Variants in DLC1 observed in about 807,000 individuals in gnomAD.
DLC1 encodes rho GTPase-activating protein 7.
DLC1 carries 54 observed loss-of-function variants against 140.3 expected under a neutral mutation model. The observed-to-expected ratio is 0.38, with a 90% confidence interval of 0.31 to 0.48. The LOEUF is 0.48. Ranked by LOEUF, DLC1 falls within the 20% of genes least tolerant of loss-of-function variation. The pLI, the probability that DLC1 is intolerant of heterozygous loss-of-function variation, is 0.96. For synonymous variants in DLC1, 986 were observed against 728.1 expected, an observed-to-expected ratio of 1.35 and a Z score of -5.70; for missense variants, 2,536 against 1,907.0, an observed-to-expected ratio of 1.33 and a Z score of -6.14.
intron 5 of DLC1, among the ~76,000 whole-genome samples, chr8:13,227,118 G>A (rs1311341569): frequency 1.3e-5 from 2 of 152,126 alleles, no homozygotes; most frequent in Admixed American, 1.3e-4. Context: ...GAGCATCTGA[G>A]TTCAAGCAAT....
At chr8:13,373,977 T>C (rs992611336) in intron 4 of DLC1, among the ~76,000 whole-genome samples, 1 of 152,224 alleles carries the variant, frequency 6.6e-6, no homozygotes, top group African/African-American at 2.4e-5. Context: ...TGCAAAGATG[T>C]CATCTAAGTT....
intron 2 of DLC1, among the ~76,000 whole-genome samples, chr8:13,466,513 A>G (rs1799946863): frequency 6.6e-6 from 1 of 152,182 alleles, no homozygotes; most frequent in Admixed American, 6.5e-5. Context: ...ATCTGCCAGT[A>G]TCAACATTTC....
At position 13,100,708 on chromosome 8, in the gene DLC1, G is replaced by A; in HGVS notation, c.1629C>T (p.Asp543=). The change falls in exon 9 of 18, where the codon GAC becomes GAT. Residue 543 remains aspartate, a synonymous_variant. Transcript: ENST00000276297. ...CTTCAAGCCGGGACCACCTCTTGCT[G>A]TCCCTTTGGAAAGTCCATTTGCCAC... ...AISGKWTFQR[D]SKRWSRLEEF... The A allele has an allele frequency of 2.5e-6, 4 of 1,609,896 alleles. No individual in the cohort carries two copies. The highest frequency in any genetic ancestry group is 3.4e-6 in the Non-Finnish European group (4 of 1,178,200).
rs554493035 is a variant in DLC1, at chr8:13,383,793, C to T, written c.1314+9760G>A. Among the ~76,000 whole-genome samples the T allele has an allele frequency of 5.3e-5, 8 of 152,242 alleles. No individual in the cohort carries two copies. The East Asian group carries it at 1.2e-3, about 22-fold the overall frequency. On this transcript the variant is annotated intron_variant, in intron 4 of 17. Coordinates refer to ENST00000276297, the MANE Select transcript of DLC1 (RefSeq NM_182643.3). ...AATGACATAGAGAAGAGCCAATGTT[C>T]GAACACCAATATTTCAGCCACACGA...
chr8:13,370,685 TTTG>T (rs1446772253), intron 4 of DLC1, among the ~76,000 whole-genome samples: 1 of 152,160 alleles, frequency 6.6e-6, no homozygotes, highest in Non-Finnish European at 1.5e-5. Context: ...CATGCTCCTT[TTTG>T]TTCTGTCACT....
intron 4 of DLC1, among the ~76,000 whole-genome samples, chr8:13,367,503 GT>G (rs1314991494): frequency 6.6e-6 from 1 of 152,164 alleles, no homozygotes; most frequent in African/African-American, 2.4e-5. Flanking sequence ...CCCATGAATT[GT>G]TTTTTTGTAC....
chr8:13,467,453 C>CTTTTTTTTTTTTT (rs10671511), intron 2 of DLC1, among the ~76,000 whole-genome samples: 1 of 149,532 alleles, frequency 6.7e-6, no homozygotes, highest in Non-Finnish European at 1.5e-5. Flanking sequence ...TCTTATATTC[C>CTTTTTTTTTTTTT]TTTTTTTTTC....
At chr8:13,462,228 T>C (rs1380356377) in intron 2 of DLC1, among the ~76,000 whole-genome samples, 1 of 152,140 alleles carries the variant, frequency 6.6e-6, no homozygotes, top group Non-Finnish European at 1.5e-5. Flanking sequence ...AAAATTTTTA[T>C]TGAAAATTTA....
chr8:13,551,217 G>GT (rs1803837510), intron 1 of DLC1, among the ~76,000 whole-genome samples: 5 of 151,432 alleles, frequency 3.3e-5, no homozygotes, highest in African/African-American at 1.2e-4. Context: ...AGAAAAGTCA[G>GT]TTGTAGTCGG....
intron 5 of DLC1, among the ~76,000 whole-genome samples, chr8:13,143,735 T>G (rs1317980645): frequency 4.0e-5 from 6 of 151,324 alleles, no homozygotes; most frequent in Admixed American, 2.6e-4. Flanking sequence ...CTTGGGATAA[T>G]CATTCTGGCG....
chr8:13,227,285 T>G (rs544164951), intron 5 of DLC1, among the ~76,000 whole-genome samples: 1 of 152,366 alleles, frequency 6.6e-6, no homozygotes, highest in Non-Finnish European at 1.5e-5. Context: ...TCATTATTGC[T>G]ACTTCTCTCT....
chr8:13,196,585 A>T (rs1827074298), intron 5 of DLC1, among the ~76,000 whole-genome samples: 1 of 151,998 alleles, frequency 6.6e-6, no homozygotes, highest in Non-Finnish European at 1.5e-5. Flanking sequence ...ATGATTCTTA[A>T]TTTTTCACAG....
intron 1 of DLC1, among the ~76,000 whole-genome samples, chr8:13,543,046 T>C (rs562599576): frequency 2.0e-4 from 31 of 152,296 alleles, no homozygotes; most frequent in African/African-American, 7.2e-4. Context: ...GCTTTGCATA[T>C]GGACAAACCC....
intron 3 of DLC1, among the ~76,000 whole-genome samples, chr8:13,394,553 T>C (rs1836928938): frequency 6.6e-6 from 1 of 152,000 alleles, no homozygotes. Flanking sequence ...AGAGGAAAGG[T>C]GGGAGGGGGA....
At chr8:13,126,275 G>A (rs1448880346) in intron 5 of DLC1, among the ~76,000 whole-genome samples, 2 of 151,862 alleles carry the variant, frequency 1.3e-5, no homozygotes, top group Non-Finnish European at 2.9e-5. Context: ...GAAGGAAATG[G>A]ATACTGAATC....
At chr8:13,232,672 G>A (rs1347054887) in intron 5 of DLC1, among the ~76,000 whole-genome samples, 2 of 152,140 alleles carry the variant, frequency 1.3e-5, no homozygotes, top group Admixed American at 1.3e-4. Flanking sequence ...CTAGCTAGAA[G>A]GATGCTTCTC....
chr8:13,259,118 C>T (rs1257563508), intron 5 of DLC1, among the ~76,000 whole-genome samples: 7 of 130,646 alleles, frequency 5.4e-5, no homozygotes, highest in Non-Finnish European at 7.8e-5. Flanking sequence ...GCCTGGGCAA[C>T]GCAGTGAAAC....
intron 1 of DLC1, among the ~76,000 whole-genome samples, chr8:13,547,355 C>G (rs1167995942): frequency 6.6e-6 from 1 of 151,924 alleles, no homozygotes; most frequent in Non-Finnish European, 1.5e-5. Flanking sequence ...GAGGGGTTCT[C>G]TTGTAATGGA....
At chr8:13,395,807 G>A (rs11993500) in intron 3 of DLC1, among the ~76,000 whole-genome samples, 35,724 of 151,358 alleles carry the variant, frequency 0.24, 4,824 homozygotes, top group Admixed American at 0.29. Context: ...AATTTCTGAT[G>A]CCTGGAATGA....
Sources: gnomAD v4.1 joint callset for allele counts (sites outside exome capture counted in the v4.1 genomes callset) on GRCh38, gnomAD v4.1.1 for gene constraint, MANE v1.5 for transcripts, NCBI Gene and HGNC (gene_info 2026-07-23, HGNC 2026-07-21) for gene names.